The following AK5 variants were observed in gnomAD, a reference collection of about 807,000 sequenced individuals.
AK5 encodes adenylate kinase 5.
Under a neutral mutation model 69.5 loss-of-function variants are expected in AK5, and 27 were observed. The ratio of observed to expected loss-of-function variants is 0.39; its 90% CI spans 0.29 to 0.54. The LOEUF (loss-of-function observed/expected upper bound fraction) is 0.54, where lower values mean the gene tolerates loss of function less well. Ranked by LOEUF, AK5 falls within the 20% of genes least tolerant of loss-of-function variation. AK5 has a pLI of 0.71. For missense variants in AK5, 531 were observed against 700.4 expected, an observed-to-expected ratio of 0.76 and a Z score of 2.73; for synonymous variants, 260 against 244.4, an observed-to-expected ratio of 1.06 and a Z score of -0.60.
chr1:77,406,928 G>A (rs1417655508), intron 6 of AK5, among the ~76,000 whole-genome samples: 1 of 152,026 alleles, frequency 6.6e-6, no homozygotes, highest in African/African-American at 2.4e-5. Flanking sequence ...CTGTTTCCAA[G>A]TAACTAAACT....
chr1:77,367,788 T>TATATATA (rs1491156565), intron 6 of AK5, among the ~76,000 whole-genome samples: 743 of 8,390 alleles, frequency 0.089, 233 homozygotes, highest in East Asian at 0.49. Flanking sequence ...TAATATATGT[T>TATATATA]ATATATGTTA....
intron 13 of AK5, among the ~76,000 whole-genome samples, chr1:77,546,220 G>C (rs1659537622): frequency 6.6e-6 from 1 of 152,148 alleles, no homozygotes; most frequent in African/African-American, 2.4e-5. Context: ...CTCTGTGGTT[G>C]CTATAATCAC....
At chr1:77,286,217 A>AAAGG (rs1557462175) in intron 1 of AK5, among the ~76,000 whole-genome samples, 1 of 151,944 alleles carries the variant, frequency 6.6e-6, no homozygotes, top group African/African-American at 2.4e-5. Context: ...TCTATGAGGT[A>AAAGG]TTTATTATTA....
intron 10 of AK5, among the ~76,000 whole-genome samples, chr1:77,489,235 C>G (rs1203386859): frequency 6.6e-6 from 1 of 151,056 alleles, no homozygotes; most frequent in African/African-American, 2.4e-5. Context: ...ACAGACCACC[C>G]TCTAAGAATT....
intron 6 of AK5, among the ~76,000 whole-genome samples, chr1:77,367,731 T>C (rs1224849523): frequency 2.5e-5 from 2 of 80,280 alleles, no homozygotes; most frequent in Non-Finnish European, 2.2e-5. Flanking sequence ...ATATATGTTA[T>C]ATATACGTTA....
intron 10 of AK5, among the ~76,000 whole-genome samples, chr1:77,501,713 T>G (rs1476768286): frequency 6.6e-6 from 1 of 152,204 alleles, no homozygotes; most frequent in East Asian, 1.9e-4. Context: ...TGTCCATGAA[T>G]GTAAGGGTGG....
intron 8 of AK5, among the ~76,000 whole-genome samples, chr1:77,449,877 G>T (rs1378114842): frequency 6.6e-6 from 1 of 152,070 alleles, no homozygotes; most frequent in Admixed American, 6.5e-5. Flanking sequence ...TAGAAAATGG[G>T]ATTTTCTTTT....
At position 77,311,027 on chromosome 1, in the gene AK5, T is replaced by C. The variant is rs547753258; in HGVS notation, c.699+13080T>C. Among the ~76,000 whole-genome samples the C allele has an allele frequency of 2.0e-5, 3 of 152,282 alleles. No individual in the cohort carries two copies. The East Asian group carries it at 5.8e-4, about 29-fold the overall frequency. On this transcript the variant is annotated intron_variant, in intron 5 of 13. Transcript: ENST00000354567. ...TAACCAATTCTTAACGCTCCATCTT[T>C]ATAGAATTATTGTTTGTGTTTGTGG...
chr1:77,486,479 A>G, intron 10 of AK5, 127 bp downstream of exon 10: 2 of 560,734 alleles, frequency 3.6e-6, no homozygotes, highest in Non-Finnish European at 6.2e-6. Context: ...GCAGATCACG[A>G]GGTCAGGAGA....
At chr1:77,441,631 A>C (rs2100636976) in intron 8 of AK5, among the ~76,000 whole-genome samples, 1 of 152,284 alleles carries the variant, frequency 6.6e-6, no homozygotes, top group East Asian at 1.9e-4. Flanking sequence ...CTGTAGTGGC[A>C]GTGTTTATTG....
intron 8 of AK5, among the ~76,000 whole-genome samples, chr1:77,477,054 G>T (rs962910296): frequency 6.6e-6 from 1 of 151,660 alleles, no homozygotes; most frequent in African/African-American, 2.4e-5. Flanking sequence ...CTGAGACAGG[G>T]TCTCACTCTG....
Position 77,558,682 on chromosome 1 carries a change from C to CATGT in AK5, c.*13_*16dup. 6.5e-7 allele frequency: 1 copy of CATGT among 1,531,898 alleles called. No homozygotes were observed. The highest frequency in any genetic ancestry group is 9.0e-7 in the Non-Finnish European group (1 of 1,108,174). The allele number at this position is 1,531,898 out of a possible 1,614,324, so 94.9% of individuals were successfully genotyped here. A position where few individuals can be genotyped will look rare whatever the true frequency, so the allele number is the denominator to read the frequency against. On this transcript the variant is annotated 3_prime_UTR_variant, in exon 14 of 14. Transcript: ENST00000354567. ...ACTCTATTTTCTGAAGGCAAAAATG[C>CATGT]ATGTTTGTTAGAATGGAAACAGAAA...
At chr1:77,483,459 A>G in intron 9 of AK5, 100 bp downstream of exon 9, 1 of 964,564 alleles carries the variant, frequency 1.0e-6, no homozygotes, top group Non-Finnish European at 1.7e-6. Flanking sequence ...TATTAACAGC[A>G]TCACTTTTTC....
intron 5 of AK5, among the ~76,000 whole-genome samples, chr1:77,311,755 T>G (rs1659975677): frequency 6.6e-6 from 1 of 152,154 alleles, no homozygotes; most frequent in African/African-American, 2.4e-5. Flanking sequence ...GGACTGTTTT[T>G]CAAATTGGTT....
At chr1:77,426,093 G>A (rs192502947) in intron 8 of AK5, among the ~76,000 whole-genome samples, 1 of 152,106 alleles carries the variant, frequency 6.6e-6, no homozygotes, top group East Asian at 1.9e-4. Context: ...CAACAAATAG[G>A]AAACAGTAAC....
chr1:77,347,977 G>A (rs528857011), intron 6 of AK5, among the ~76,000 whole-genome samples: 5 of 152,316 alleles, frequency 3.3e-5, no homozygotes, highest in African/African-American at 1.2e-4. Flanking sequence ...TTATATGGCA[G>A]TCCTACTGTC....
intron 5 of AK5, among the ~76,000 whole-genome samples, chr1:77,298,892 A>C (rs573385496): frequency 6.6e-6 from 1 of 152,296 alleles, no homozygotes; most frequent in African/African-American, 2.4e-5. Flanking sequence ...TTTTAAGTCT[A>C]TCTGTAAAAC....
intron 5 of AK5, among the ~76,000 whole-genome samples, chr1:77,308,436 C>CAA (rs751801437): frequency 2.7e-5 from 1 of 37,672 alleles, no homozygotes; most frequent in Non-Finnish European, 6.8e-5. Context: ...GACTCTGTCT[C>CAA]AAAAAAAAAA....
intron 8 of AK5, among the ~76,000 whole-genome samples, chr1:77,481,053 A>C (rs1283611978): frequency 6.6e-6 from 1 of 152,216 alleles, no homozygotes; most frequent in Non-Finnish European, 1.5e-5. Context: ...AGCTTGAGGC[A>C]GGGAGCCAGA....
Sources: allele counts gnomAD v4.1 joint callset (sites outside exome capture counted in the v4.1 genomes callset), GRCh38; gene constraint gnomAD v4.1.1; transcripts MANE v1.5; gene names NCBI Gene and HGNC (gene_info 2026-07-23, HGNC 2026-07-21).